The following PECAM1 variants were observed in gnomAD, a reference collection of about 807,000 sequenced individuals.
PECAM1 encodes the protein platelet endothelial cell adhesion molecule.
In PECAM1, 8 loss-of-function variants were observed where a neutral mutation model predicts 13.8. The observed-to-expected ratio is 0.58, with a 90% CI of 0.34 to 1.05. PECAM1 has a LOEUF of 1.05. Among genes scored for constraint, PECAM1 ranks in the 50% least tolerant of loss-of-function variants. The probability of loss-of-function intolerance (pLI) is 0.03; values close to 1 mark genes in which losing one functional copy is unlikely to be tolerated. For missense variants in PECAM1, 304 were observed against 141.2 expected, an observed-to-expected ratio of 2.15 and a Z score of -5.84; for synonymous variants, 136 against 52.6, an observed-to-expected ratio of 2.58 and a Z score of -6.86.
chr17:64,360,424 G>C lies in PECAM1; in HGVS notation c.1217-9C>G, dbSNP rs1022174766. 3.4e-5 allele frequency: 16 copies of C among 474,898 alleles called. No individual in the cohort carries two copies. Among genetic ancestry groups the C allele is most frequent in the Non-Finnish European group, 6.2e-5 (16 of 258,934 alleles). 29.4% of individuals were successfully genotyped at this position (474,898 alleles called of 1,614,324 possible). A position where few individuals can be genotyped will look rare whatever the true frequency, so the allele number is the denominator to read the frequency against. ...GGGCTGGGAGAGCATTTCTAGAACA[G>C]AGGGAGAAACAATCCAAAAGGCACT... is the stretch of plus-strand genomic sequence containing the variant. On this transcript the variant is annotated splice_polypyrimidine_tract_variant and intron_variant, in intron 6 of 15. Coordinates refer to ENST00000563924, the MANE Select transcript of PECAM1 (RefSeq NM_000442.5).
chr17:64,354,152 G>A (rs1453093356), intron 9 of PECAM1, among the ~76,000 whole-genome samples: 2 of 151,942 alleles, frequency 1.3e-5, no homozygotes, highest in Admixed American at 6.6e-5. Flanking sequence ...ATGTTGTCCC[G>A]GCTAGTCTTG....
chr17:64,357,436 C>A (rs921532161), intron 7 of PECAM1, among the ~76,000 whole-genome samples: 2,358 of 152,256 alleles, frequency 0.015, 58 homozygotes, highest in African/African-American at 0.053. Flanking sequence ...CCTCCTGTAT[C>A]CGCTTTTCCT....
chr17:64,353,322 C>T (rs1484542897), intron 10 of PECAM1, among the ~76,000 whole-genome samples, 169 bp downstream of exon 10: 1 of 151,666 alleles, frequency 6.6e-6, no homozygotes, highest in Non-Finnish European at 1.5e-5. Flanking sequence ...CACACACACA[C>T]ACACACACAC....
intron 13 of PECAM1, among the ~76,000 whole-genome samples, chr17:64,343,756 C>G (rs2035489946): frequency 6.6e-6 from 1 of 152,314 alleles, no homozygotes; most frequent in African/African-American, 2.4e-5. Flanking sequence ...TACCAGGGCA[C>G]CACACTGCTG....
intron 5 of PECAM1, among the ~76,000 whole-genome samples, chr17:64,367,006 CAAAAAA>C (rs56908523): frequency 9.7e-5 from 12 of 123,926 alleles, no homozygotes; most frequent in Admixed American, 3.2e-4. Context: ...AACTCCATTT[CAAAAAA>C]AAAAAAAAAG....
In PECAM1 at chr17:64,375,347, C is replaced by G. The variant is rs1482618030; in HGVS notation, c.395G>C (p.Ser132Thr). 2.1e-6 allele frequency: 1 copy of G among 470,598 alleles called. No individual in the cohort carries two copies. The highest frequency in any genetic ancestry group is 2.0e-5 in the African/African-American group (1 of 49,546). The allele number at this position is 470,598 out of a possible 1,614,324, so 29.2% of individuals were successfully genotyped here. ...TTTCTTGTCCAGTGTCACCCTGGGA[C>G]TGGGCACTCCTACGGGGAAAGAGAA... ...EYQVLVEGVP[S>T]PRVTLDKKEA... Residue 132 changes from serine (S) to threonine (T), a missense_variant, in exon 4 of 16, where the codon AGT becomes ACT. Coordinates refer to ENST00000563924, the MANE Select transcript of PECAM1 (RefSeq NM_000442.5).
chr17:64,385,006 G>T (rs8080874), intron 2 of PECAM1, among the ~76,000 whole-genome samples: 183 of 152,328 alleles, frequency 1.2e-3, no homozygotes, highest in African/African-American at 4.2e-3. Context: ...CAACCTGGGG[G>T]ACACAGCCCC....
chr17:64,330,456 G>A (rs1275949799), intron 14 of PECAM1, among the ~76,000 whole-genome samples: 1 of 152,050 alleles, frequency 6.6e-6, no homozygotes, highest in Non-Finnish European at 1.5e-5. Context: ...GGCCAACATG[G>A]TGAAATCCCA....
At chr17:64,374,545 A>T (rs985086787) in intron 4 of PECAM1, among the ~76,000 whole-genome samples, 58 of 152,212 alleles carry the variant, frequency 3.8e-4, no homozygotes, top group Middle Eastern at 3.4e-3. Flanking sequence ...GCACTATGGG[A>T]GGCCAAGGCG....
intron 5 of PECAM1, among the ~76,000 whole-genome samples, chr17:64,368,783 G>A (rs2143841506): frequency 6.6e-6 from 1 of 151,054 alleles, no homozygotes; most frequent in East Asian, 2.0e-4. Flanking sequence ...AACCTGGGAG[G>A]CAGAGGTTGT....
intron 2 of PECAM1, among the ~76,000 whole-genome samples, chr17:64,380,260 A>C (rs1203981855): frequency 6.6e-6 from 1 of 151,924 alleles, no homozygotes; most frequent in Non-Finnish European, 1.5e-5. Flanking sequence ...CCCGGGATGC[A>C]GAGGTTGCAG....
intron 6 of PECAM1, among the ~76,000 whole-genome samples, chr17:64,361,357 G>A (rs2035975611): frequency 6.6e-6 from 1 of 152,022 alleles, no homozygotes; most frequent in South Asian, 2.1e-4. Flanking sequence ...TGTTGGCCAG[G>A]CTGGCCTCAA....
At chr17:64,389,191 T>C (rs1293445887) in intron 2 of PECAM1, among the ~76,000 whole-genome samples, 5 of 152,206 alleles carry the variant, frequency 3.3e-5, no homozygotes, top group Non-Finnish European at 7.3e-5. Flanking sequence ...GCCTTGCCCA[T>C]GGACTTCACC....
intron 14 of PECAM1, among the ~76,000 whole-genome samples, chr17:64,336,680 T>C (rs1445530900): frequency 2.6e-5 from 4 of 152,122 alleles, no homozygotes; most frequent in African/African-American, 2.4e-5. Context: ...AGCCCAGGAA[T>C]TGGGCAATAG....
At chr17:64,352,815 C>T (rs986269980) in intron 10 of PECAM1, among the ~76,000 whole-genome samples, 5,597 of 152,008 alleles carry the variant, frequency 0.037, 357 homozygotes, top group African/African-American at 0.13. Flanking sequence ...CCACCACGCC[C>T]GGCTAATTTT....
chr17:64,342,043 C>T (rs1296804200), intron 13 of PECAM1, among the ~76,000 whole-genome samples: 3 of 151,548 alleles, frequency 2.0e-5, no homozygotes, highest in Admixed American at 6.6e-5. Flanking sequence ...CCCAGTTACT[C>T]GAGAGCTAAG....
At chr17:64,352,740 C>T (rs1344703588) in intron 10 of PECAM1, among the ~76,000 whole-genome samples, 2 of 151,994 alleles carry the variant, frequency 1.3e-5, no homozygotes, top group African/African-American at 4.8e-5. Context: ...CTGCAGCCTC[C>T]GCCTCCTGGG....
intron 14 of PECAM1, 68 bp from the exon 15 acceptor site, chr17:64,329,790 C>T: frequency 1.4e-6 from 1 of 736,972 alleles, no homozygotes; most frequent in Admixed American, 1.9e-5. Flanking sequence ...CCAACAACAT[C>T]ACAGGGTCAG....
chr17:64,385,444 G>A (rs1014775905), intron 2 of PECAM1, among the ~76,000 whole-genome samples: 8 of 152,226 alleles, frequency 5.3e-5, no homozygotes, highest in African/African-American at 1.2e-4. Flanking sequence ...GCCCACCCTC[G>A]TCAGGAAAAT....
Sources: gnomAD v4.1 joint callset for allele counts (sites outside exome capture counted in the v4.1 genomes callset) on GRCh38, gnomAD v4.1.1 for gene constraint, MANE v1.5 for transcripts, NCBI Gene and HGNC (gene_info 2026-07-23, HGNC 2026-07-21) for gene names.